Variants in ANXA2 observed in about 807,000 individuals in gnomAD.
ANXA2 encodes annexin A2, also known as annexin II.
Under a neutral mutation model 47.3 loss-of-function variants are expected in ANXA2, and 28 were observed. The observed-to-expected ratio is 0.59, with a 90% CI of 0.44 to 0.81. The LOEUF is 0.81. Among genes scored for constraint, ANXA2 ranks in the 40% least tolerant of loss-of-function variants. The probability of loss-of-function intolerance (pLI) is 0.00; values close to 1 mark genes in which losing one functional copy is unlikely to be tolerated. For missense variants in ANXA2, 384 were observed against 414.3 expected (o/e 0.93, Z 0.64); for synonymous variants, 172 against 155.5 (o/e 1.11, Z -0.79).
intron 3 of ANXA2, among the ~76,000 whole-genome samples, chr15:60,380,215 G>C (rs955405410): frequency 2.6e-5 from 4 of 152,166 alleles, no homozygotes; most frequent in Non-Finnish European, 5.9e-5. Context: ...CAGGCATCGT[G>C]CTAAATGCTT....
chr15:60,371,803 C>G (rs1322779940), intron 3 of ANXA2, among the ~76,000 whole-genome samples: 1 of 152,152 alleles, frequency 6.6e-6, no homozygotes, highest in Non-Finnish European at 1.5e-5. Flanking sequence ...AAAGAGAGGA[C>G]AATGCCACAG....
At chr15:60,363,911 C>A (rs2062553903) in intron 4 of ANXA2, among the ~76,000 whole-genome samples, 1 of 152,210 alleles carries the variant, frequency 6.6e-6, no homozygotes, top group Non-Finnish European at 1.5e-5. Context: ...TGAGTTGCTA[C>A]ATGTACAAAA....
At chr15:60,380,341 A>T (rs2062839013) in intron 3 of ANXA2, among the ~76,000 whole-genome samples, 1 of 152,062 alleles carries the variant, frequency 6.6e-6, no homozygotes, top group Non-Finnish European at 1.5e-5. Context: ...CTAATGAGTG[A>T]GTTGTGGAGC....
intron 3 of ANXA2, among the ~76,000 whole-genome samples, 170 bp downstream of exon 3, chr15:60,382,172 G>A (rs2062870548): frequency 6.6e-6 from 1 of 151,818 alleles, no homozygotes; most frequent in South Asian, 2.1e-4. Context: ...AAGAAAGGAA[G>A]GAGGGAAGGA....
chr15:60,360,523 T>C (rs2062497531), intron 5 of ANXA2, among the ~76,000 whole-genome samples: 1 of 152,226 alleles, frequency 6.6e-6, no homozygotes, highest in Admixed American at 6.5e-5. Flanking sequence ...CAAATGGTAC[T>C]GACAGAGAGA....
intron 3 of ANXA2, among the ~76,000 whole-genome samples, 188 bp from the exon 4 acceptor site, chr15:60,364,711 C>T (rs2062569159): frequency 6.6e-6 from 1 of 152,100 alleles, no homozygotes; most frequent in South Asian, 2.1e-4. Context: ...ACTCTCTTTC[C>T]TTTTTTCTTG....
chr15:60,356,103 G>A (rs145747432), intron 6 of ANXA2, 105 bp from the exon 7 acceptor site: 133 of 813,316 alleles, frequency 1.6e-4, no homozygotes, highest in Middle Eastern at 3.6e-4. Context: ...GAACAGCTAC[G>A]TCAGCTGGAC....
At chr15:60,370,165 C>G (rs942381633) in intron 3 of ANXA2, among the ~76,000 whole-genome samples, 1 of 152,198 alleles carries the variant, frequency 6.6e-6, no homozygotes, top group Non-Finnish European at 1.5e-5. Flanking sequence ...AGCTGAGATG[C>G]AGTATCTAAC....
chr15:60,397,167 C>T, intron 1 of ANXA2: 1 of 715,030 alleles, frequency 1.4e-6, no homozygotes, highest in Non-Finnish European at 1.7e-6. Context: ...CCCGGGGCCA[C>T]GCCCTTCTCT....
chr15:60,389,557 G>T (rs1463514392), intron 1 of ANXA2, among the ~76,000 whole-genome samples: 1 of 152,176 alleles, frequency 6.6e-6, no homozygotes, highest in Non-Finnish European at 1.5e-5. Flanking sequence ...ACCTTGAGGA[G>T]ACTGTTAAAA....
At chr15:60,354,330 A>G in intron 7 of ANXA2, 117 bp from the exon 8 acceptor site, 1 of 860,162 alleles carries the variant, frequency 1.2e-6, no homozygotes, top group South Asian at 1.8e-5. Context: ...GTAACCACGT[A>G]AGATTTTTCT....
At chr15:60,396,446 G>A (rs2063082348) in intron 1 of ANXA2, 1 of 151,850 alleles carries the variant, frequency 6.6e-6, no homozygotes, top group Non-Finnish European at 1.5e-5. Flanking sequence ...GTGGAAGGTG[G>A]AAAAAAGAAA....
intron 3 of ANXA2, among the ~76,000 whole-genome samples, chr15:60,376,674 A>G (rs554124138): frequency 2.0e-5 from 3 of 152,324 alleles, no homozygotes; most frequent in African/African-American, 7.2e-5. Context: ...CAAGAAGAGC[A>G]GGTGTGACTG....
At chr15:60,354,336 T>G (rs774804483) in intron 7 of ANXA2, 123 bp from the exon 8 acceptor site, 2 of 835,114 alleles carry the variant, frequency 2.4e-6, no homozygotes, top group Non-Finnish European at 3.7e-6. Flanking sequence ...ACGTAAGATT[T>G]TTCTTACTTT....
intron 4 of ANXA2, among the ~76,000 whole-genome samples, chr15:60,361,697 CT>C (rs1002099369): frequency 9.2e-5 from 14 of 152,204 alleles, no homozygotes; most frequent in African/African-American, 3.4e-4. Context: ...AACTGGCCCC[CT>C]TGAATTCCCT....
At chr15:60,353,862 A>G (rs954152803) in intron 8 of ANXA2, among the ~76,000 whole-genome samples, 4 of 152,220 alleles carry the variant, frequency 2.6e-5, no homozygotes, top group African/African-American at 4.8e-5. Flanking sequence ...TCCTACCAAC[A>G]GTCATGTGAA....
chr15:60,379,187 A>G (rs1358956984), intron 3 of ANXA2, among the ~76,000 whole-genome samples: 1 of 151,912 alleles, frequency 6.6e-6, no homozygotes, highest in Non-Finnish European at 1.5e-5. Context: ...GCTGAGGCAG[A>G]GAACTGCTTG....
At chr15:60,347,718 G>T (rs760717986) in intron 12 of ANXA2, 29 bp from the exon 13 acceptor site, 2 of 1,606,150 alleles carry the variant, frequency 1.2e-6, no homozygotes, top group East Asian at 2.2e-5. Flanking sequence ...GAAAAGAAAC[G>T]TGGTATCAGA....
intron 1 of ANXA2, chr15:60,397,433 A>C (rs2063095769): frequency 3.6e-6 from 2 of 560,836 alleles, no homozygotes; most frequent in South Asian, 7.9e-5. Context: ...TTCCCCCGCT[A>C]CTTCCCTCCT....
Sources: gnomAD v4.1 joint callset for allele counts (sites outside exome capture counted in the v4.1 genomes callset) on GRCh38, gnomAD v4.1.1 for gene constraint, MANE v1.5 for transcripts, NCBI Gene and HGNC (gene_info 2026-07-23, HGNC 2026-07-21) for gene names.